Variants in CRACD observed in about 807,000 individuals in gnomAD.
The protein encoded by CRACD is capping protein-inhibiting regulator of actin dynamics.
In CRACD, 56 loss-of-function variants were observed where a neutral mutation model predicts 106.8. That is an observed-to-expected ratio of 0.52 (90% confidence interval 0.42 to 0.66). The LOEUF is 0.66. Among genes scored for constraint, CRACD ranks in the 30% least tolerant of loss-of-function variants. The pLI is 0.00. For synonymous variants in CRACD, 754 were observed against 670.8 expected (o/e 1.12, Z -1.92); for missense variants, 1,730 against 1,623.2 (o/e 1.07, Z -1.13).
At chr4:56,076,535 A>G (rs988518494) in intron 1 of CRACD, among the ~76,000 whole-genome samples, 1 of 152,182 alleles carries the variant, frequency 6.6e-6, no homozygotes, top group African/African-American at 2.4e-5. Context: ...TCAACATCCA[A>G]TTTGAACCTC....
chr4:56,075,765 C>T (rs969630324), intron 1 of CRACD, among the ~76,000 whole-genome samples: 2 of 152,092 alleles, frequency 1.3e-5, no homozygotes, highest in African/African-American at 4.8e-5. Flanking sequence ...GTTCCTTTCC[C>T]TTAGCGTGTT....
At position 56,323,326 on chromosome 4, in the gene CRACD, A is replaced by C. The variant is rs763018295; in HGVS notation, c.3188-51A>C. The C allele has an allele frequency of 3.4e-6, 5 of 1,473,394 alleles. No individual in the cohort carries two copies. The South Asian group carries it at 6.2e-5, about 18-fold the overall frequency. The allele number at this position is 1,473,394 out of a possible 1,614,324, so 91.3% of individuals were successfully genotyped here. On this transcript the variant is annotated intron_variant, in intron 8 of 10. Transcript: ENST00000682029. ...GTTTTAGGGGGTGAGGAACTGAGGT[A>C]AGTCCGCAGTTAAGTTCATTGCAAA...
At chr4:56,212,986 AAG>A (rs1381264103) in intron 2 of CRACD, among the ~76,000 whole-genome samples, 1 of 149,140 alleles carries the variant, frequency 6.7e-6, no homozygotes, top group Non-Finnish European at 1.5e-5. Context: ...TTTGGAATCC[AAG>A]AGAGAGCTTA....
intron 1 of CRACD, among the ~76,000 whole-genome samples, chr4:56,064,620 C>G (rs754819231): frequency 7.2e-5 from 11 of 152,152 alleles, no homozygotes; most frequent in Non-Finnish European, 1.5e-4. Context: ...TATCTCCTTT[C>G]TCTTCACTGT....
At chr4:56,211,560 G>A (rs373346257) in intron 2 of CRACD, among the ~76,000 whole-genome samples, 32 of 152,364 alleles carry the variant, frequency 2.1e-4, no homozygotes, top group African/African-American at 6.5e-4. Context: ...GGAAGGTAGA[G>A]AAGAATTTTA....
intron 1 of CRACD, among the ~76,000 whole-genome samples, chr4:56,097,133 G>A (rs995006528): frequency 1.3e-5 from 2 of 152,162 alleles, no homozygotes; most frequent in Admixed American, 1.3e-4. Context: ...GTGATAGGAG[G>A]GAAGGCAGAA....
rs566941275 is a variant in CRACD at position 56,223,768 on chromosome 4, T to A, written c.-189+44338T>A. Among the ~76,000 whole-genome samples, 26 of 152,344 alleles carry A rather than the reference T, an allele frequency of 1.7e-4. 1 individual carries two copies. The highest frequency in any genetic ancestry group is 5.8e-4 in the African/African-American group (24 of 41,576). ...TTAATTGTTACTGTTACTATCTTTT[T>A]AAATTTTTTTAGACAGGGTCTCACT... On this transcript the variant is annotated intron_variant, in intron 2 of 10. Transcript: ENST00000682029.
At chr4:56,228,759 G>A (rs1577768687) in intron 2 of CRACD, among the ~76,000 whole-genome samples, 1 of 152,252 alleles carries the variant, frequency 6.6e-6, no homozygotes, top group Non-Finnish European at 1.5e-5. Flanking sequence ...CTGAGGTTGT[G>A]GAGTTTTATC....
chr4:56,160,244 G>A (rs897974565), intron 1 of CRACD, among the ~76,000 whole-genome samples: 4 of 145,338 alleles, frequency 2.8e-5, no homozygotes, highest in South Asian at 2.2e-4. Flanking sequence ...GTGCAGTGGC[G>A]CGATCTCCAC....
rs114687060 is a variant in CRACD, at chr4:56,252,768, A to T, written c.-188-19553A>T. 5.1e-3 allele frequency among the ~76,000 whole-genome samples: 781 copies of T among 152,290 alleles called. 6 individuals are homozygous for T. The highest frequency in any genetic ancestry group is 0.018 in the African/African-American group (739 of 41,552). On this transcript the variant is annotated intron_variant, in intron 2 of 10. Coordinates refer to ENST00000682029, the MANE Select transcript of CRACD (RefSeq NM_001393381.1). ...ACAAACACAGGTTAGCACAGTCTGG[A>T]TATACTGGGGCAGAATTGGTCAGTG...
chr4:56,106,563 A>G (rs1411375629), intron 1 of CRACD, among the ~76,000 whole-genome samples: 2 of 152,188 alleles, frequency 1.3e-5, no homozygotes, highest in Non-Finnish European at 2.9e-5. Context: ...AGTGTTAGCT[A>G]TGTGGAATTT....
intron 1 of CRACD, among the ~76,000 whole-genome samples, chr4:56,070,454 CG>C: frequency 6.6e-6 from 1 of 152,288 alleles, no homozygotes; most frequent in Admixed American, 6.5e-5. Context: ...CGCCCGCCAT[CG>C]CATCCGGCTA....
At chr4:56,093,158 C>T (rs74557279) in intron 1 of CRACD, among the ~76,000 whole-genome samples, 10,580 of 152,072 alleles carry the variant, frequency 0.07, 737 homozygotes, top group African/African-American at 0.17. Context: ...TAAATGAGAC[C>T]CATAATGCTA....
intron 1 of CRACD, among the ~76,000 whole-genome samples, chr4:56,068,846 C>T (rs765107281): frequency 1.5e-4 from 23 of 152,020 alleles, no homozygotes; most frequent in Non-Finnish European, 2.2e-4. Context: ...GCCCCCTCCC[C>T]GAGACTCATG....
chr4:56,314,222 G>C lies in CRACD; in HGVS notation c.720G>C (p.Ala240=), dbSNP rs758326958. ...AGGCCAAGTGCAAGCGGCAAAAGGC[G>C]GAAGCAGCCGAGAAGAGACGCCTAG... The part of the protein sequence containing the change: ...ELEAKCKRQK[A]EAAEKRRLEE... The change falls in exon 8 of 11, where the codon GCG becomes GCC. Residue 240 remains alanine, a synonymous_variant. Coordinates refer to ENST00000682029, the MANE Select transcript of CRACD (RefSeq NM_001393381.1). The surrounding 1 kb of genome is among the most constrained non-coding windows in gnomAD (Gnocchi z 4.4). 1.2e-6 allele frequency: 2 copies of C among 1,601,202 alleles called. No homozygotes were observed. The highest frequency in any genetic ancestry group is 1.1e-5 in the South Asian group (1 of 89,438).
chr4:56,060,810 G>A (rs1463394349), intron 1 of CRACD, among the ~76,000 whole-genome samples: 1 of 152,104 alleles, frequency 6.6e-6, no homozygotes, highest in Admixed American at 6.5e-5. Context: ...CCTTATAAAA[G>A]TGACACCAGA....
intron 2 of CRACD, among the ~76,000 whole-genome samples, chr4:56,250,893 G>C (rs1741013988): frequency 6.6e-6 from 1 of 152,150 alleles, no homozygotes; most frequent in African/African-American, 2.4e-5. Flanking sequence ...TTAATTACAA[G>C]CATATTTCGA....
At chr4:56,207,306 A>C (rs1453532764) in intron 2 of CRACD, among the ~76,000 whole-genome samples, 1 of 152,246 alleles carries the variant, frequency 6.6e-6, no homozygotes, top group Non-Finnish European at 1.5e-5. Flanking sequence ...TAGCCTTTAC[A>C]GTAGAACCTG....
chr4:56,108,778 G>A (rs982424880), intron 1 of CRACD, among the ~76,000 whole-genome samples: 5 of 152,150 alleles, frequency 3.3e-5, no homozygotes, highest in African/African-American at 9.7e-5. Context: ...ATATGTCAGC[G>A]TTTTCTTCTA....
Sources: allele counts gnomAD v4.1 joint callset (sites outside exome capture counted in the v4.1 genomes callset), GRCh38; gene constraint gnomAD v4.1.1; non-coding constraint Gnocchi (gnomAD v3.1); transcripts MANE v1.5; gene names NCBI Gene and HGNC (gene_info 2026-07-23, HGNC 2026-07-21).